RIMS2: variants seen among roughly 807,000 people sequenced by gnomAD.
RIMS2 encodes regulating synaptic membrane exocytosis 2.
A neutral mutation model predicts 174.4 loss-of-function variants in RIMS2; 59 were observed. The ratio of observed to expected loss-of-function variants is 0.34; its 90% CI spans 0.27 to 0.42. The LOEUF (loss-of-function observed/expected upper bound fraction) is 0.42, where lower values mean the gene tolerates loss of function less well. Among genes scored for constraint, RIMS2 ranks in the 10% least tolerant of loss-of-function variants. The pLI is 1.00. For missense variants in RIMS2, 1,620 were observed against 1,666.3 expected (o/e 0.97, Z 0.48); for synonymous variants, 606 against 572.5 (o/e 1.06, Z -0.84).
At chr8:103,903,806 GAC>G (rs1287350975) in intron 4 of RIMS2, among the ~76,000 whole-genome samples, 1 of 152,066 alleles carries the variant, frequency 6.6e-6, no homozygotes, top group Non-Finnish European at 1.5e-5. Flanking sequence ...ATGGGGTGGT[GAC>G]AGTCTATGAA....
At chr8:103,997,438 CATA>C (rs2095172281) in intron 17 of RIMS2, among the ~76,000 whole-genome samples, 1 of 151,652 alleles carries the variant, frequency 6.6e-6, no homozygotes. Flanking sequence ...TTTATGGAAA[CATA>C]ATGATAATCT....
intron 19 of RIMS2, among the ~76,000 whole-genome samples, chr8:104,130,717 G>C (rs1264151971): frequency 1.3e-5 from 2 of 152,044 alleles, no homozygotes; most frequent in East Asian, 3.9e-4. Flanking sequence ...ATATACAGTT[G>C]GCATAAAAGA....
chr8:103,588,289 T>A (rs1593502), intron 1 of RIMS2, among the ~76,000 whole-genome samples: 18,851 of 151,868 alleles, frequency 0.12, 1,267 homozygotes, highest in Middle Eastern at 0.22. Context: ...TGTTCATGGA[T>A]TGAAAGAATC....
At chr8:103,624,655 G>A (rs553489807) in intron 1 of RIMS2, among the ~76,000 whole-genome samples, 2 of 151,936 alleles carry the variant, frequency 1.3e-5, no homozygotes, top group Admixed American at 1.3e-4. Flanking sequence ...TTTGCTTGTG[G>A]GATTTTATTC....
intron 1 of RIMS2, among the ~76,000 whole-genome samples, chr8:103,649,132 A>G (rs1031173827): frequency 6.6e-6 from 1 of 152,112 alleles, no homozygotes; most frequent in Non-Finnish European, 1.5e-5. Flanking sequence ...CAAGGCAGGC[A>G]TGGTGGTGGA....
intron 1 of RIMS2, among the ~76,000 whole-genome samples, chr8:103,580,930 C>T (rs182776881): frequency 1.5e-4 from 22 of 146,476 alleles, no homozygotes; most frequent in Admixed American, 3.6e-4. Flanking sequence ...CCTGGGTTCA[C>T]GCCATTCTCC....
chr8:103,953,886 C>T (rs2086246128), intron 14 of RIMS2, among the ~76,000 whole-genome samples: 1 of 150,928 alleles, frequency 6.6e-6, no homozygotes, highest in Non-Finnish European at 1.5e-5. Context: ...CATATAGGCT[C>T]AAAATAAAGG....
At chr8:103,874,751 C>A (rs983956413) in intron 3 of RIMS2, among the ~76,000 whole-genome samples, 1 of 152,080 alleles carries the variant, frequency 6.6e-6, no homozygotes, top group Admixed American at 6.6e-5. Context: ...TCATCATTCT[C>A]ATGGTCTCAG....
rs115617703 is a variant in RIMS2, at chr8:104,151,686, T to A, written c.3335-93230T>A. Among the ~76,000 whole-genome samples the A allele has an allele frequency of 5.8e-3, 889 of 152,258 alleles. 14 individuals are homozygous for A. Among genetic ancestry groups the A allele is most frequent in the African/African-American group, 0.02 (838 of 41,550 alleles). On this transcript the variant is annotated intron_variant, in intron 19 of 23. Coordinates refer to ENST00000504942, the Ensembl canonical transcript of RIMS2. ...ATGTGAAAATTTCCAAGTGGAAATGTCTAGAACATTTAAATAAACACTTTT... is the reference window on the plus strand; with the variant it reads ...ATGTGAAAATTTCCAAGTGGAAATGACTAGAACATTTAAATAAACACTTTT...
intron 3 of RIMS2, among the ~76,000 whole-genome samples, chr8:103,855,280 G>A (rs2099021666): frequency 1.3e-5 from 2 of 151,126 alleles, no homozygotes; most frequent in South Asian, 2.1e-4. Context: ...TATCAATCTT[G>A]TTTATTTTTT....
chr8:103,864,603 A>G (rs2099075781), intron 3 of RIMS2, among the ~76,000 whole-genome samples: 1 of 152,216 alleles, frequency 6.6e-6, no homozygotes, highest in Non-Finnish European at 1.5e-5. Context: ...ATGACCTGAC[A>G]CATGGTAAAA....
intron 3 of RIMS2, among the ~76,000 whole-genome samples, chr8:103,878,739 A>G (rs2099153756): frequency 6.6e-6 from 1 of 151,298 alleles, no homozygotes; most frequent in African/African-American, 2.4e-5. Context: ...TGCTGATTCA[A>G]TCTCACTACT....
chr8:104,233,622 T>C (rs1281592300), intron 19 of RIMS2, among the ~76,000 whole-genome samples: 1 of 152,164 alleles, frequency 6.6e-6, no homozygotes, highest in Non-Finnish European at 1.5e-5. Flanking sequence ...TATTGAAGAG[T>C]TGGCTTCATT....
chr8:104,233,315 A>C (rs1000758447), intron 19 of RIMS2, among the ~76,000 whole-genome samples: 1 of 152,098 alleles, frequency 6.6e-6, no homozygotes, highest in African/African-American at 2.4e-5. Flanking sequence ...GTGGCTTTTC[A>C]TGTTATGGTG....
intron 1 of RIMS2, among the ~76,000 whole-genome samples, chr8:103,692,733 A>G (rs2097046935): frequency 6.6e-6 from 1 of 152,148 alleles, no homozygotes; most frequent in Non-Finnish European, 1.5e-5. Flanking sequence ...GCCTGGTACC[A>G]TATTCTACTG....
intron 1 of RIMS2, among the ~76,000 whole-genome samples, chr8:103,550,798 A>G (rs7829735): frequency 0.18 from 27,663 of 152,130 alleles, 2,758 homozygotes; most frequent in African/African-American, 0.26. Context: ...CCACAGAAAT[A>G]CAAACTACCA....
At chr8:103,966,476 T>C (rs1008776475) in intron 15 of RIMS2, among the ~76,000 whole-genome samples, 3 of 152,142 alleles carry the variant, frequency 2.0e-5, no homozygotes, top group Non-Finnish European at 4.4e-5. Context: ...ATGTCCTCTT[T>C]TTCATTTCTG....
chr8:103,608,494 C>A (rs1234832854), intron 1 of RIMS2, among the ~76,000 whole-genome samples: 2 of 144,416 alleles, frequency 1.4e-5, no homozygotes, highest in East Asian at 3.9e-4. Context: ...GGCAGGCAGG[C>A]CTCCTTGAGC....
chr8:103,598,789 C>T (rs1243416999), intron 1 of RIMS2, among the ~76,000 whole-genome samples: 2 of 152,080 alleles, frequency 1.3e-5, no homozygotes, highest in African/African-American at 2.4e-5. Flanking sequence ...AATACTTGTT[C>T]CAAAAGTAAA....
Sources: gnomAD v4.1 joint callset for allele counts (sites outside exome capture counted in the v4.1 genomes callset) on GRCh38, gnomAD v4.1.1 for gene constraint, MANE v1.5 for transcripts, NCBI Gene and HGNC (gene_info 2026-07-23, HGNC 2026-07-21) for gene names.